Variants in VRK2 observed in about 807,000 individuals in gnomAD.
The protein encoded by VRK2 is VRK serine/threonine kinase 2, also known as serine/threonine-protein kinase VRK2.
In VRK2, 60 loss-of-function variants were observed where a neutral mutation model predicts 57.6. The ratio of observed to expected loss-of-function variants is 1.04; its 90% CI spans 0.85 to 1.29. The LOEUF is 1.29. Among genes scored for constraint, VRK2 ranks in the 50% most tolerant of loss-of-function variants. The probability of loss-of-function intolerance (pLI) is 0.00; values close to 1 mark genes in which losing one functional copy is unlikely to be tolerated. For synonymous variants in VRK2, 231 were observed against 199.2 expected, an observed-to-expected ratio of 1.16 and a Z score of -1.35; for missense variants, 705 against 588.1, an observed-to-expected ratio of 1.20 and a Z score of -2.06.
At chr2:58,139,926 C>T in intron 11 of VRK2, 94 bp downstream of exon 11, 1 of 1,309,034 alleles carries the variant, frequency 7.6e-7, no homozygotes, top group African/African-American at 1.5e-5. Flanking sequence ...AGTCTGACAG[C>T]TTTCTTCTTC....
rs965974636 is a variant in VRK2, at chr2:57,961,814, C to T, written c.-439+53975C>T. On this transcript the variant is annotated intron_variant, in intron 1 of 15. Transcript: ENST00000417641. ...TGTGTGGGCTGGGGGCAGTGGCTCA[C>T]GCCTCTAATCCCAGCAGTTTGGGAG... 5.9e-5 allele frequency among the ~76,000 whole-genome samples: 9 copies of T among 152,256 alleles called. No homozygotes were observed. The South Asian group carries it at 6.2e-4, about 11-fold the overall frequency.
chr2:58,137,071 A>G (rs1386109940), intron 10 of VRK2, among the ~76,000 whole-genome samples: 2 of 111,354 alleles, frequency 1.8e-5, no homozygotes, highest in African/African-American at 7.4e-5. Context: ...ATCATATATC[A>G]TATATAACAT....
intron 2 of VRK2, among the ~76,000 whole-genome samples, chr2:58,077,936 CTT>C (rs1216555425): frequency 6.6e-6 from 1 of 152,084 alleles, no homozygotes; most frequent in African/African-American, 2.4e-5. Flanking sequence ...GGACAGAACT[CTT>C]TTTCTTCTCA....
At chr2:57,973,704 A>T (rs977057951) in intron 1 of VRK2, among the ~76,000 whole-genome samples, 4 of 151,900 alleles carry the variant, frequency 2.6e-5, no homozygotes, top group African/African-American at 9.7e-5. Flanking sequence ...ATTGCAAAGA[A>T]GCACATCATT....
chr2:58,137,210 TGATA>T (rs1680569912), intron 10 of VRK2, among the ~76,000 whole-genome samples: 1 of 76,052 alleles, frequency 1.3e-5, no homozygotes, highest in East Asian at 3.1e-4. Flanking sequence ...ATCTCATATA[TGATA>T]CATATATATC....
At chr2:58,104,910 TCTA>T in intron 7 of VRK2, among the ~76,000 whole-genome samples, 1 of 151,840 alleles carries the variant, frequency 6.6e-6, no homozygotes, top group African/African-American at 2.4e-5. Context: ...AAGCTACATA[TCTA>T]CACCCAAGTG....
intron 7 of VRK2, among the ~76,000 whole-genome samples, chr2:58,118,712 G>A (rs757588909): frequency 2.0e-5 from 3 of 152,300 alleles, no homozygotes; most frequent in Non-Finnish European, 4.4e-5. Flanking sequence ...ATGTGTGTCC[G>A]TGTGAAGAGA....
In VRK2 at chr2:57,992,024, T is replaced by C. The variant is rs185505994; in HGVS notation, c.-438-33641T>C. Among the ~76,000 whole-genome samples the C allele has an allele frequency of 7.9e-5, 12 of 152,016 alleles. No homozygotes were observed. The East Asian group carries it at 2.3e-3, about 29-fold the overall frequency. On this transcript the variant is annotated intron_variant, in intron 1 of 15. Transcript: ENST00000417641. ...GTCTTTATTATTTTATCTTCAAGCATCTAGAAGAGTGGTACATTAAAACAT... is the reference window on the plus strand; with the variant it reads ...GTCTTTATTATTTTATCTTCAAGCACCTAGAAGAGTGGTACATTAAAACAT...
intron 11 of VRK2, among the ~76,000 whole-genome samples, chr2:58,141,171 A>T (rs1345035174): frequency 6.6e-6 from 1 of 152,088 alleles, no homozygotes; most frequent in East Asian, 1.9e-4. Context: ...AACAAAACAA[A>T]GAGCCATTTC....
rs759836131 is a variant in VRK2, at chr2:58,089,743, T to C, written c.543+20T>C. 6.5e-7 allele frequency: 1 copy of C among 1,544,980 alleles called. No individual in the cohort carries two copies. Among genetic ancestry groups the C allele is most frequent in the Non-Finnish European group, 8.9e-7 (1 of 1,124,408 alleles). ...GACCAGGTAAATACATACTTTTGCT[T>C]TTAATAAAGGTCTTTAATGTATGAA... On this transcript the variant is annotated intron_variant, in intron 7 of 12. Coordinates refer to ENST00000340157, the MANE Select transcript of VRK2 (RefSeq NM_006296.7).
At chr2:58,122,022 C>G (rs1028720773) in intron 7 of VRK2, among the ~76,000 whole-genome samples, 3 of 152,196 alleles carry the variant, frequency 2.0e-5, no homozygotes, top group Admixed American at 6.5e-5. Flanking sequence ...TGACTTTTAA[C>G]AATCTGTATT....
chr2:58,024,473 T>C (rs1673862953), intron 1 of VRK2, among the ~76,000 whole-genome samples: 1 of 152,230 alleles, frequency 6.6e-6, no homozygotes, highest in Non-Finnish European at 1.5e-5. Flanking sequence ...AGTGGAACTC[T>C]AAATTCAGTT....
intron 3 of VRK2, among the ~76,000 whole-genome samples, chr2:58,039,228 C>T (rs965230927): frequency 6.6e-6 from 1 of 152,130 alleles, no homozygotes; most frequent in African/African-American, 2.4e-5. Context: ...TTCCAAGAAA[C>T]AACTCTCCTG....
At chr2:57,991,415 T>C (rs946698114) in intron 1 of VRK2, among the ~76,000 whole-genome samples, 6 of 151,284 alleles carry the variant, frequency 4.0e-5, no homozygotes, top group Non-Finnish European at 5.9e-5. Context: ...GGCACTGTCG[T>C]GAAGAATCTG....
intron 1 of VRK2, among the ~76,000 whole-genome samples, chr2:57,951,138 T>C (rs1326394348): frequency 1.3e-5 from 2 of 151,558 alleles, no homozygotes; most frequent in Non-Finnish European, 2.9e-5. Context: ...ATGGGAGGAG[T>C]TCAAAATAAA....
At chr2:57,916,823 C>G (rs17049251) in intron 1 of VRK2, among the ~76,000 whole-genome samples, 5,405 of 152,128 alleles carry the variant, frequency 0.036, 345 homozygotes, top group African/African-American at 0.13. Context: ...ATTTCAAATT[C>G]CAGTTTCAAC....
intron 1 of VRK2, among the ~76,000 whole-genome samples, chr2:57,964,310 G>C (rs990688914): frequency 3.9e-5 from 6 of 152,124 alleles, no homozygotes; most frequent in Non-Finnish European, 7.4e-5. Flanking sequence ...AAAAGGTAGA[G>C]AAAATATATT....
chr2:58,058,262 C>G (rs1341801794), intron 2 of VRK2: 1 of 442,738 alleles, frequency 2.3e-6, no homozygotes, highest in African/African-American at 2.1e-5. Context: ...TTCTATTTAA[C>G]TTTTGGGAAT....
At chr2:58,128,136 T>C (rs1483410824) in intron 8 of VRK2, among the ~76,000 whole-genome samples, 3 of 152,188 alleles carry the variant, frequency 2.0e-5, no homozygotes, top group Non-Finnish European at 2.9e-5. Flanking sequence ...GATAGTAACA[T>C]GAAAAATTTG....
Sources: allele counts gnomAD v4.1 joint callset (sites outside exome capture counted in the v4.1 genomes callset), GRCh38; gene constraint gnomAD v4.1.1; transcripts MANE v1.5; gene names NCBI Gene and HGNC (gene_info 2026-07-23, HGNC 2026-07-21).